RNF14: variants seen among roughly 807,000 people sequenced by gnomAD.
RNF14 encodes E3 ubiquitin-protein ligase RNF14.
RNF14 carries 26 observed loss-of-function variants against 52.6 expected under a neutral mutation model. The ratio of observed to expected loss-of-function variants is 0.49; its 90% CI spans 0.36 to 0.69. The LOEUF (loss-of-function observed/expected upper bound fraction) is 0.69. Among genes scored for constraint, RNF14 ranks in the 30% least tolerant of loss-of-function variants. The probability of loss-of-function intolerance (pLI) is 0.00; values close to 1 mark genes in which losing one functional copy is unlikely to be tolerated. For synonymous variants in RNF14, 194 were observed against 202.0 expected, an observed-to-expected ratio of 0.96 and a Z score of 0.34; for missense variants, 404 against 560.4, an observed-to-expected ratio of 0.72 and a Z score of 2.82.
At chr5:141,976,993 G>A (rs1325825883) in intron 4 of RNF14, among the ~76,000 whole-genome samples, 1 of 152,142 alleles carries the variant, frequency 6.6e-6, no homozygotes. Flanking sequence ...GTTTCACCAT[G>A]TTGGCCAGGC....
upstream of RNF14, chr5:141,955,266 G>A (rs763432404): frequency 6.2e-7 from 1 of 1,614,230 alleles, no homozygotes; most frequent in Non-Finnish European, 8.5e-7. The surrounding 1 kb of genome is among the most constrained non-coding windows in gnomAD (Gnocchi z 5.5). Flanking sequence ...GAAGGTTCAG[G>A]TTCTCCCGGG....
upstream of RNF14, among the ~76,000 whole-genome samples, chr5:141,964,541 T>C (rs1045574110): frequency 1.3e-5 from 2 of 152,220 alleles, no homozygotes; most frequent in Non-Finnish European, 2.9e-5. Context: ...AAGTAGCACT[T>C]TAAGCGTTAT....
chr5:141,987,275 G>T (rs1262090877), intron 8 of RNF14, among the ~76,000 whole-genome samples: 1 of 152,176 alleles, frequency 6.6e-6, no homozygotes, highest in Non-Finnish European at 1.5e-5. Context: ...CCAGGAGAGG[G>T]TCTGTTCAGT....
the RNF14 span, among the ~76,000 whole-genome samples, chr5:141,951,870 A>C: frequency 1.3e-5 from 2 of 152,180 alleles, no homozygotes; most frequent in Non-Finnish European, 2.9e-5. Flanking sequence ...AGTGTCCTGC[A>C]CCTGGTGGAC....
upstream of RNF14, chr5:141,955,712 T>C: frequency 6.2e-7 from 1 of 1,614,086 alleles, no homozygotes; most frequent in Non-Finnish European, 8.5e-7. The surrounding 1 kb of genome is among the most constrained non-coding windows in gnomAD (Gnocchi z 5.5). Flanking sequence ...AGCATCGACA[T>C]GCTCAAGGCC....
At position 141,988,190 on chromosome 5, in the gene RNF14, G is replaced by A. The variant is rs1755402318; in HGVS notation, c.*400G>A. ...AAGACATTCTGTTGGAGTTCCCTCA[G>A]TACTATTCCTTACAACTGGAGTGGG... On this transcript the variant is annotated 3_prime_UTR_variant, in exon 9 of 9. Coordinates refer to ENST00000394520, the MANE Select transcript of RNF14 (RefSeq NM_004290.5). The A allele has an allele frequency of 6.0e-6, 1 of 167,786 alleles. No individual in the cohort carries two copies. The highest frequency in any genetic ancestry group is 2.4e-5 in the African/African-American group (1 of 41,764). 10.4% of individuals were successfully genotyped at this position (167,786 alleles called of 1,614,324 possible).
upstream of RNF14, among the ~76,000 whole-genome samples, chr5:141,965,071 A>G (rs1052891083): frequency 6.6e-6 from 1 of 152,236 alleles, no homozygotes; most frequent in Admixed American, 6.5e-5. Context: ...GGTAGGGCTC[A>G]TTAAGGTTCA....
At chr5:141,974,520 G>A (rs888469709) in intron 3 of RNF14, among the ~76,000 whole-genome samples, 4 of 152,226 alleles carry the variant, frequency 2.6e-5, no homozygotes, top group Admixed American at 1.3e-4. Context: ...AACATTGTGT[G>A]TTCCTTGGTC....
At chr5:141,956,624 A>G, upstream of RNF14, 5 of 1,614,168 alleles carry the variant, frequency 3.1e-6, no homozygotes, top group Non-Finnish European at 4.2e-6. Context: ...AGCAACATGT[A>G]TGTGTTGCCA....
upstream of RNF14, among the ~76,000 whole-genome samples, chr5:141,962,078 T>C (rs1261716410): frequency 1.3e-5 from 2 of 152,086 alleles, no homozygotes; most frequent in Non-Finnish European, 1.5e-5. Flanking sequence ...TTCAGGAAGA[T>C]CTTGTTGAAG....
chr5:141,963,960 C>CT (rs1753295824), upstream of RNF14, among the ~76,000 whole-genome samples: 1 of 152,210 alleles, frequency 6.6e-6, no homozygotes, highest in Non-Finnish European at 1.5e-5. Context: ...TCTCACCCCT[C>CT]TTTCCTCCTT....
chr5:141,979,531 C>T (rs1042941015), intron 5 of RNF14, among the ~76,000 whole-genome samples: 1 of 152,146 alleles, frequency 6.6e-6, no homozygotes, highest in Non-Finnish European at 1.5e-5. Flanking sequence ...GGATTACAGG[C>T]GTGAGCCACT....
chr5:141,949,409 A>G, the RNF14 span: 2 of 1,602,012 alleles, frequency 1.2e-6, no homozygotes, highest in Non-Finnish European at 8.5e-7. Flanking sequence ...AGCAGGGTCA[A>G]GGTAACTCCA....
At chr5:141,985,057 C>T (rs2127054948) in intron 8 of RNF14, 124 bp downstream of exon 8, 1 of 883,076 alleles carries the variant, frequency 1.1e-6, no homozygotes, top group Non-Finnish European at 1.7e-6. Flanking sequence ...ATGTTTTCCC[C>T]TATAAAGGAA....
chr5:141,973,733 T>C lies in RNF14; in HGVS notation c.145T>C (p.Phe49Leu). Residue 49 changes from phenylalanine (F) to leucine (L), a missense_variant, in exon 3 of 9, where the codon TTT (phenylalanine) becomes CTT (leucine). Coordinates refer to ENST00000394520, the MANE Select transcript of RNF14 (RefSeq NM_004290.5). ...GGATTTGCCACAGAATTTCAAGATATTTGTGAGCGGTTAGTTAATAATTTC... is the reference window on the plus strand; with the variant it reads ...GGATTTGCCACAGAATTTCAAGATACTTGTGAGCGGTTAGTTAATAATTTC... ...YLDLPQNFKI[F>L]VSGNSNECLQ... 2 of 1,603,728 alleles carry C rather than the reference T, an allele frequency of 1.2e-6. No individual in the cohort carries two copies. The highest frequency in any genetic ancestry group is 1.3e-5 in the African/African-American group (1 of 74,268).
chr5:141,950,511 G>T, the RNF14 span, among the ~76,000 whole-genome samples: 25 of 152,138 alleles, frequency 1.6e-4, no homozygotes, highest in Admixed American at 4.6e-4. Context: ...CCTGTAAGGG[G>T]TTCTCTTTAA....
upstream of RNF14, among the ~76,000 whole-genome samples, chr5:141,954,564 TAGGA>T (rs1429533803): frequency 1.3e-5 from 2 of 152,184 alleles, no homozygotes; most frequent in African/African-American, 4.8e-5. Flanking sequence ...GGTTCAGAGC[TAGGA>T]AGAAGTGGAG....
intron 8 of RNF14, 84 bp from the exon 9 acceptor site, chr5:141,987,649 G>A: frequency 7.6e-7 from 1 of 1,316,558 alleles, no homozygotes; most frequent in Non-Finnish European, 1.1e-6. Flanking sequence ...TGTTATAAGA[G>A]TACAAAAAAT....
chr5:141,980,720 A>T (rs73792088), intron 6 of RNF14, among the ~76,000 whole-genome samples: 3,381 of 152,312 alleles, frequency 0.022, 124 homozygotes, highest in African/African-American at 0.077. Context: ...GGTTTAAGTA[A>T]GGACTTGAAG....
Sources: gnomAD v4.1 joint callset for allele counts (sites outside exome capture counted in the v4.1 genomes callset) on GRCh38, gnomAD v4.1.1 for gene constraint, Gnocchi (gnomAD v3.1) non-coding constraint, MANE v1.5 for transcripts, NCBI Gene and HGNC (gene_info 2026-07-23, HGNC 2026-07-21) for gene names.